Variants in NPIPB2 observed in about 807,000 individuals in gnomAD.
The protein encoded by NPIPB2 is nuclear pore complex-interacting protein family member B2.
In NPIPB2, 27 loss-of-function variants were observed where a neutral mutation model predicts 30.8. That is an observed-to-expected ratio of 0.88 (90% CI 0.65 to 1.21). NPIPB2 has a LOEUF of 1.21. Ranked by LOEUF, NPIPB2 falls within the 50% of genes most tolerant of loss-of-function variation. The pLI is 0.00. For missense variants in NPIPB2, 440 were observed against 446.2 expected (o/e 0.99, Z 0.13); for synonymous variants, 147 against 162.0 (o/e 0.91, Z 0.70).
chr16:11,933,759 A>T (rs2054825219), intron 3 of NPIPB2, 47 bp from the exon 4 acceptor site: 1 of 1,595,794 alleles, frequency 6.3e-7, no homozygotes, highest in Non-Finnish European at 8.5e-7. Flanking sequence ...TGAGGGCAAG[A>T]AGCTGTTCTT....
chr16:11,958,364 G>A (rs1178718582), intron 1 of NPIPB2, among the ~76,000 whole-genome samples: 1 of 151,652 alleles, frequency 6.6e-6, no homozygotes, highest in East Asian at 1.9e-4. Flanking sequence ...GGAGGCGGAG[G>A]TTGCAGTGAG....
At chr16:11,961,706 G>T (rs949542974) in intron 1 of NPIPB2, among the ~76,000 whole-genome samples, 1 of 151,732 alleles carries the variant, frequency 6.6e-6, no homozygotes, top group Admixed American at 6.6e-5. Context: ...CTTGAACCTG[G>T]GAGACGGAGG....
chr16:11,976,033 C>T (rs1044846529), intron 1 of NPIPB2, among the ~76,000 whole-genome samples: 22 of 152,006 alleles, frequency 1.4e-4, no homozygotes, highest in Non-Finnish European at 2.4e-4. Flanking sequence ...CGCCTGCCTC[C>T]GCCCTCCCAA....
At chr16:11,933,682 T>C (rs763965092) in exon 4 of NPIPB2, 57 of 1,596,906 alleles carry the variant, frequency 3.6e-5, no homozygotes, top group Non-Finnish European at 4.1e-5. Flanking sequence ...AGAAACTCTT[T>C]TCTTTGTGTG....
intron 1 of NPIPB2, among the ~76,000 whole-genome samples, chr16:11,969,370 C>A (rs2055220496): frequency 6.6e-6 from 1 of 152,094 alleles, no homozygotes; most frequent in Non-Finnish European, 1.5e-5. Context: ...CAATTCTCTG[C>A]CTCAGCCACC....
intron 1 of NPIPB2, among the ~76,000 whole-genome samples, chr16:11,958,498 G>C (rs1034747029): frequency 6.6e-6 from 1 of 151,644 alleles, no homozygotes; most frequent in East Asian, 1.9e-4. Flanking sequence ...GGGAGGCCAA[G>C]TGGGGTGGAT....
exon 8 of NPIPB2, chr16:11,927,587 G>A (rs1327327909): frequency 1.9e-6 from 3 of 1,606,548 alleles, no homozygotes; most frequent in African/African-American, 2.7e-5. Flanking sequence ...AGCCTCCTGA[G>A]TAGCTAAGGG....
At chr16:11,961,052 T>G (rs2055149409) in intron 1 of NPIPB2, among the ~76,000 whole-genome samples, 2 of 151,424 alleles carry the variant, frequency 1.3e-5, no homozygotes, top group African/African-American at 4.9e-5. Context: ...TAGTAGAGAC[T>G]GGGTTTCACC....
At chr16:11,961,608 C>T (rs1567477482) in intron 1 of NPIPB2, among the ~76,000 whole-genome samples, 1 of 151,338 alleles carries the variant, frequency 6.6e-6, no homozygotes, top group South Asian at 2.1e-4. Flanking sequence ...ACTGAAACCC[C>T]GTCTCTACTA....
chr16:11,959,018 C>T (rs1244310236), intron 1 of NPIPB2, among the ~76,000 whole-genome samples: 1 of 152,164 alleles, frequency 6.6e-6, no homozygotes, highest in Non-Finnish European at 1.5e-5. Context: ...TAGTTTGCCC[C>T]TGTATGGCTC....
intron 1 of NPIPB2, among the ~76,000 whole-genome samples, chr16:11,962,189 C>A (rs1374754066): frequency 7.6e-6 from 1 of 131,438 alleles, no homozygotes; most frequent in South Asian, 2.5e-4. Context: ...TAGAGCAACA[C>A]CCTGTCTTAA....
intron 1 of NPIPB2, chr16:11,967,903 ATG>A: frequency 6.4e-7 from 1 of 1,572,746 alleles, no homozygotes; most frequent in Non-Finnish European, 8.6e-7. Context: ...AGAATAGATG[ATG>A]TGTCAGATCT....
At chr16:11,948,497 T>C (rs771054815) in intron 1 of NPIPB2, among the ~76,000 whole-genome samples, 1 of 152,152 alleles carries the variant, frequency 6.6e-6, no homozygotes, top group Non-Finnish European at 1.5e-5. Context: ...CTGGGCGCAG[T>C]GGCTCACACC....
chr16:11,951,474 AAAAG>A (rs1208430459), intron 1 of NPIPB2, among the ~76,000 whole-genome samples: 1 of 149,510 alleles, frequency 6.7e-6, no homozygotes, highest in Non-Finnish European at 1.5e-5. Context: ...AAAAAAAAAA[AAAAG>A]AAAGAAAAGA....
chr16:11,973,147 C>T (rs1264556725), intron 1 of NPIPB2, among the ~76,000 whole-genome samples: 1 of 73,116 alleles, frequency 1.4e-5, no homozygotes, highest in African/African-American at 5.4e-5. Context: ...GCCTGGGCAA[C>T]AAGAGTGAAA....
At chr16:11,951,460 C>CAAAAAAAAA (rs144775580) in intron 1 of NPIPB2, among the ~76,000 whole-genome samples, 10 of 49,822 alleles carry the variant, frequency 2.0e-4, no homozygotes, top group Admixed American at 6.5e-4. Context: ...AAGACTGTCT[C>CAAAAAAAAA]AAAAAAAAAA....
intron 1 of NPIPB2, among the ~76,000 whole-genome samples, chr16:11,956,833 G>A (rs1363380185): frequency 6.6e-6 from 1 of 152,192 alleles, no homozygotes; most frequent in Non-Finnish European, 1.5e-5. Context: ...TCCATGCTCA[G>A]TTGGCTTCAC....
At chr16:11,976,542 G>A (rs552356215) in intron 1 of NPIPB2, 9 of 354,166 alleles carry the variant, frequency 2.5e-5, no homozygotes, top group Non-Finnish European at 4.6e-5. Context: ...GGACAGCGAC[G>A]CCTCCTCGCG....
rs200779776 is a variant in NPIPB2 at position 11,965,404 on chromosome 16, G to A, written c.-584+11164C>T. On this transcript the variant is annotated intron_variant, in intron 1 of 5. Coordinates refer to the NPIPB2 transcript ENST00000538896. ...CATGCTTGCATACCTTGTCAACTTCGATGTTCTTCTAATACTCCTCCTCTA... is the reference window on the plus strand; with the variant it reads ...CATGCTTGCATACCTTGTCAACTTCAATGTTCTTCTAATACTCCTCCTCTA... 2.1e-5 allele frequency: 34 copies of A among 1,614,098 alleles called. No individual in the cohort carries two copies. In the African/African-American group the frequency reaches 3.5e-4, roughly 16 times the overall value.
Sources: allele counts gnomAD v4.1 joint callset (sites outside exome capture counted in the v4.1 genomes callset), GRCh38; gene constraint gnomAD v4.1.1; transcripts MANE v1.5; gene names NCBI Gene and HGNC (gene_info 2026-07-23, HGNC 2026-07-21).